Variants in SATB1 observed in about 807,000 individuals in gnomAD.
The protein encoded by SATB1 is SATB homeobox 1.
A neutral mutation model predicts 86.9 loss-of-function variants in SATB1; 11 were observed. The observed-to-expected ratio is 0.13, with a 90% CI of 0.08 to 0.21. The LOEUF is 0.21. Among genes scored for constraint, SATB1 ranks in the 10% least tolerant of loss-of-function variants. The pLI, the probability that SATB1 is intolerant of heterozygous loss-of-function variation, is 1.00. For synonymous variants in SATB1, 357 were observed against 357.2 expected (o/e 1.00, Z 0.01); for missense variants, 551 against 937.6 (o/e 0.59, Z 5.39).
At chr3:18,391,128 C>G (rs9842940) in intron 7 of SATB1, among the ~76,000 whole-genome samples, 128,877 of 152,002 alleles carry the variant, frequency 0.85, 54,786 homozygotes, top group East Asian at 0.93. Context: ...TAAAAAAAAA[C>G]CCATGTGCGA....
chr3:18,387,404 T>C (rs1291305728), intron 7 of SATB1, among the ~76,000 whole-genome samples: 2 of 152,226 alleles, frequency 1.3e-5, no homozygotes, highest in Non-Finnish European at 2.9e-5. Flanking sequence ...ATCAAATTTC[T>C]TGGGGAATAA....
chr3:18,374,796 T>C (rs1175797613), intron 9 of SATB1, among the ~76,000 whole-genome samples: 1 of 152,196 alleles, frequency 6.6e-6, no homozygotes, highest in East Asian at 1.9e-4. Context: ...AAATACCTGA[T>C]AAATAAATCT....
At chr3:18,445,337 C>T in intron 1 of SATB1, 1 of 984,762 alleles carries the variant, frequency 1.0e-6, no homozygotes, top group Non-Finnish European at 1.2e-6. Flanking sequence ...GGCTCCCTCC[C>T]AGCGCGCCGG....
intron 7 of SATB1, among the ~76,000 whole-genome samples, chr3:18,387,626 C>T (rs1437739984): frequency 3.3e-5 from 5 of 152,148 alleles, no homozygotes; most frequent in African/African-American, 1.2e-4. Flanking sequence ...GGCTAAGCAG[C>T]TCTTCTCTCT....
intron 5 of SATB1, among the ~76,000 whole-genome samples, chr3:18,409,972 A>C (rs1327515316): frequency 6.6e-6 from 1 of 152,086 alleles, no homozygotes. Context: ...ACAAAGGGCT[A>C]TTAGCATAAT....
chr3:18,427,143 T>G (rs1698732494), upstream of SATB1, among the ~76,000 whole-genome samples: 1 of 152,180 alleles, frequency 6.6e-6, no homozygotes, highest in African/African-American at 2.4e-5. Flanking sequence ...GATAGTAAAT[T>G]TTTAAAAGTT....
intron 8 of SATB1, among the ~76,000 whole-genome samples, chr3:18,383,817 T>C (rs1696182553): frequency 6.6e-6 from 1 of 152,300 alleles, no homozygotes; most frequent in Non-Finnish European, 1.5e-5. Flanking sequence ...GCATTGATAA[T>C]ACCTTTAATA....
chr3:18,429,903 G>C (rs1698834947), upstream of SATB1, among the ~76,000 whole-genome samples: 1 of 152,102 alleles, frequency 6.6e-6, no homozygotes, highest in Non-Finnish European at 1.5e-5. The surrounding 1 kb of genome is among the most constrained non-coding windows in gnomAD (Gnocchi z 4.1). Flanking sequence ...CAGTGTCCTT[G>C]TAATATTTAT....
rs918011312 is a variant in SATB1 at position 18,347,284 on chromosome 3, A to G, written c.*1886T>C. The stretch of plus-strand genomic sequence containing the variant: ...TGAGGGAGCAAATAAAAGAAAAATC[A>G]CCCCAAACTGTAATGCTGGCCTCAA... On this transcript the variant is annotated 3_prime_UTR_variant, in exon 11 of 11. Transcript: ENST00000338745. 1 of 152,086 alleles carries G rather than the reference A, an allele frequency of 6.6e-6. No individual in the cohort carries two copies. The highest frequency in any genetic ancestry group is 2.4e-5 in the African/African-American group (1 of 41,396). The allele number at this position is 152,086 out of a possible 1,614,324, so 9.4% of individuals were successfully genotyped here.
At chr3:18,403,459 TAG>T (rs968763775) in intron 5 of SATB1, among the ~76,000 whole-genome samples, 2 of 152,110 alleles carry the variant, frequency 1.3e-5, no homozygotes, top group African/African-American at 4.8e-5. Context: ...TGGAATACTC[TAG>T]AGAGACAGCA....
At chr3:18,369,459 C>G (rs1277511231) in intron 9 of SATB1, among the ~76,000 whole-genome samples, 1 of 151,906 alleles carries the variant, frequency 6.6e-6, no homozygotes, top group African/African-American at 2.4e-5. Flanking sequence ...ACTAGACAAC[C>G]CCATTTTTCT....
chr3:18,365,776 C>T (rs559033044), intron 9 of SATB1, among the ~76,000 whole-genome samples: 1 of 152,288 alleles, frequency 6.6e-6, no homozygotes, highest in East Asian at 1.9e-4. Context: ...ATAAGGCTTT[C>T]GTCCTTATGG....
Position 18,349,488 on chromosome 3 carries a change from G to T in SATB1, c.1974C>A (p.Ile658=), listed in dbSNP as rs1351086804. Residue 658 remains isoleucine, a synonymous_variant, in exon 11 of 11, where the codon ATC becomes ATA. Transcript: ENST00000338745. The surrounding 1 kb of genome is among the most constrained non-coding windows in gnomAD (Gnocchi z 5.5). The stretch of plus-strand genomic sequence containing the variant: ...CCACGTCTTGTATGAAACTCTGGAG[G>T]ATTCCCAAGGCTTCCACTGAAATTT... ...RTKISVEALG[I]LQSFIQDVGL... is the part of the protein sequence containing the mutation. The T allele has an allele frequency of 6.2e-7, 1 of 1,614,186 alleles. No homozygotes were observed. The highest frequency in any genetic ancestry group is 1.1e-5 in the South Asian group (1 of 91,082).
Position 18,409,294 on chromosome 3 carries a change from T to C in SATB1, c.639+5817A>G, listed in dbSNP as rs544468143. 2.0e-5 allele frequency: 3 copies of C among 152,168 alleles called. No homozygotes were observed. In the South Asian group the frequency reaches 6.2e-4, roughly 32 times the overall value. 9.4% of individuals were successfully genotyped at this position (152,168 alleles called of 1,614,324 possible). A position where few individuals can be genotyped will look rare whatever the true frequency, so the allele number is the denominator to read the frequency against. On this transcript the variant is annotated intron_variant, in intron 5 of 10. Coordinates refer to ENST00000338745, the MANE Select transcript of SATB1 (RefSeq NM_002971.6). ...AGGTTACAGAGAGCTAACATCAAGC[T>C]ACGATAAAATCCTTATGCATCTAAG...
At chr3:18,390,231 A>G (rs1441193492) in intron 7 of SATB1, among the ~76,000 whole-genome samples, 2 of 152,162 alleles carry the variant, frequency 1.3e-5, no homozygotes, top group African/African-American at 4.8e-5. Flanking sequence ...GAACATAATC[A>G]CTGATTCAAA....
At chr3:18,364,236 G>A (rs1695067331) in intron 9 of SATB1, among the ~76,000 whole-genome samples, 2 of 151,884 alleles carry the variant, frequency 1.3e-5, no homozygotes, top group South Asian at 2.1e-4. Flanking sequence ...TCAGAACAGC[G>A]TTTTTATGTG....
intron 9 of SATB1, among the ~76,000 whole-genome samples, chr3:18,354,920 TTTA>T (rs1193259486): frequency 6.6e-6 from 1 of 152,158 alleles, no homozygotes; most frequent in African/African-American, 2.4e-5. Context: ...GATCCTTATT[TTTA>T]TTAATTGCCC....
chr3:18,396,097 G>C (rs1299204748), intron 6 of SATB1, among the ~76,000 whole-genome samples: 1 of 152,158 alleles, frequency 6.6e-6, no homozygotes, highest in East Asian at 1.9e-4. Context: ...ATTTCTACCA[G>C]TGATATCAGC....
intron 5 of SATB1, among the ~76,000 whole-genome samples, chr3:18,412,551 A>G (rs1697911802): frequency 6.6e-6 from 1 of 152,054 alleles, no homozygotes; most frequent in South Asian, 2.1e-4. Context: ...ATTGCATGCT[A>G]AAGGTTCTCT....
Sources: allele counts gnomAD v4.1 joint callset (sites outside exome capture counted in the v4.1 genomes callset), GRCh38; gene constraint gnomAD v4.1.1; non-coding constraint Gnocchi (gnomAD v3.1); transcripts MANE v1.5; gene names NCBI Gene and HGNC (gene_info 2026-07-23, HGNC 2026-07-21).